Variants in GLIS3 observed in about 807,000 individuals in gnomAD.
GLIS3 encodes zinc finger protein GLIS3.
In GLIS3, 53 loss-of-function variants were observed where a neutral mutation model predicts 78.6. That is an observed-to-expected ratio of 0.67 (90% CI 0.54 to 0.85). The LOEUF is 0.85. Ranked by LOEUF, GLIS3 falls within the 40% of genes least tolerant of loss-of-function variation. The probability of loss-of-function intolerance (pLI) is 0.00; values close to 1 mark genes in which losing one functional copy is unlikely to be tolerated. For missense variants in GLIS3, 1,703 were observed against 1,231.1 expected (o/e 1.38, Z -5.74); for synonymous variants, 684 against 509.9 (o/e 1.34, Z -4.60).
At chr9:4,432,474 G>C in the GLIS3 span, among the ~76,000 whole-genome samples, 1 of 152,094 alleles carries the variant, frequency 6.6e-6, no homozygotes, top group Admixed American at 6.5e-5. Flanking sequence ...TGAGAGGTAA[G>C]TCTGGAAAGG....
chr9:4,331,852 G>A (rs566717520), intron 2 of GLIS3, among the ~76,000 whole-genome samples: 3 of 152,194 alleles, frequency 2.0e-5, no homozygotes, highest in African/African-American at 7.2e-5. Flanking sequence ...ATGAACAAAG[G>A]CCCAGAAACA....
the GLIS3 span, among the ~76,000 whole-genome samples, chr9:4,418,710 A>C: frequency 1.4e-5 from 2 of 145,714 alleles, no homozygotes; most frequent in African/African-American, 2.8e-5. Context: ...AAAAACAAAC[A>C]AAAAAAAACA....
rs147477545 is a variant in GLIS3 at position 4,026,178 on chromosome 9, T to G, written c.1711-88989A>C. On this transcript the variant is annotated intron_variant, in intron 4 of 10. Transcript: ENST00000381971. ...CACAGGTATTCAATCAAAGAGGCCC[T>G]CAACACTCCAGTGGCTATCTCAGTT... Among the ~76,000 whole-genome samples the G allele has an allele frequency of 5.0e-3, 755 of 152,340 alleles. 8 individuals are homozygous for G. The highest frequency in any genetic ancestry group is 0.018 in the African/African-American group (735 of 41,596).
At chr9:4,486,350 C>T in the GLIS3 span, among the ~76,000 whole-genome samples, 1 of 152,146 alleles carries the variant, frequency 6.6e-6, no homozygotes, top group African/African-American at 2.4e-5. Context: ...CCCTGTAAGA[C>T]CAAGAATGTA....
intron 2 of GLIS3, among the ~76,000 whole-genome samples, chr9:4,148,422 C>G (rs554895820): frequency 6.6e-6 from 1 of 152,158 alleles, no homozygotes; most frequent in South Asian, 2.1e-4. Flanking sequence ...CTACCTCCTC[C>G]TTGAAAGAAA....
the GLIS3 span, among the ~76,000 whole-genome samples, chr9:4,414,558 T>G: frequency 3.3e-5 from 5 of 152,228 alleles, no homozygotes; most frequent in Non-Finnish European, 7.3e-5. Flanking sequence ...GGATAGCTTT[T>G]ATCCTGCCTG....
chr9:3,877,079 T>C (rs1480113377), intron 8 of GLIS3, among the ~76,000 whole-genome samples: 2 of 152,176 alleles, frequency 1.3e-5, no homozygotes, highest in Non-Finnish European at 2.9e-5. Flanking sequence ...AGAGTTGTTA[T>C]GACTATAGAT....
chr9:4,431,292 G>C, the GLIS3 span, among the ~76,000 whole-genome samples: 1 of 152,208 alleles, frequency 6.6e-6, no homozygotes, highest in African/African-American at 2.4e-5. Context: ...TTGTTTGGTT[G>C]CCATCCAGAT....
chr9:4,232,382 T>TAAAAA (rs56725850), intron 2 of GLIS3, among the ~76,000 whole-genome samples: 1 of 101,660 alleles, frequency 9.8e-6, no homozygotes, highest in Non-Finnish European at 2.0e-5. Flanking sequence ...CCTTGTCTCT[T>TAAAAA]AAAAAAAAAA....
chr9:4,457,083 C>T, the GLIS3 span, among the ~76,000 whole-genome samples: 1 of 152,138 alleles, frequency 6.6e-6, no homozygotes, highest in Admixed American at 6.5e-5. Flanking sequence ...AATATTTGAA[C>T]TGGGTACGAT....
intron 2 of GLIS3, among the ~76,000 whole-genome samples, chr9:4,274,458 G>A (rs1477440851): frequency 6.6e-6 from 1 of 151,978 alleles, no homozygotes; most frequent in Non-Finnish European, 1.5e-5. Flanking sequence ...CTGGCAATTG[G>A]GCATATGGGG....
chr9:4,004,101 T>G (rs1821343716), intron 4 of GLIS3, among the ~76,000 whole-genome samples: 1 of 152,210 alleles, frequency 6.6e-6, no homozygotes, highest in South Asian at 2.1e-4. Context: ...CTTGTGAATT[T>G]CAGATTCTTA....
chr9:3,836,567 C>T (rs1184406699), intron 9 of GLIS3, among the ~76,000 whole-genome samples: 2 of 152,200 alleles, frequency 1.3e-5, no homozygotes, highest in Admixed American at 6.5e-5. Flanking sequence ...GATTCCCCTA[C>T]TCTTTTGGGG....
At chr9:3,843,090 T>C (rs899836216) in intron 9 of GLIS3, among the ~76,000 whole-genome samples, 3 of 152,208 alleles carry the variant, frequency 2.0e-5, no homozygotes, top group African/African-American at 4.8e-5. Context: ...GGGACCTAAT[T>C]TGAGTGACTC....
At chr9:4,354,357 A>G in the GLIS3 span, among the ~76,000 whole-genome samples, 28 of 152,162 alleles carry the variant, frequency 1.8e-4, 1 homozygote, top group Admixed American at 1.8e-3. Context: ...CATATGGATG[A>G]GGGTATAAGC....
rs548740414 is a variant in GLIS3 at position 4,013,037 on chromosome 9, T to C, written c.1711-75848A>G. 1.1e-4 allele frequency among the ~76,000 whole-genome samples: 17 copies of C among 152,164 alleles called. 1 individual carries two copies. The South Asian group carries it at 3.3e-3, about 30-fold the overall frequency. On this transcript the variant is annotated intron_variant, in intron 4 of 10. Coordinates refer to ENST00000381971, the MANE Select transcript of GLIS3 (RefSeq NM_001042413.2). ...ATCCTCCTGCCTCAGCCTCCCAAAG[T>C]GCTGGGATTACAGGTGTCTCTGGTT...
At chr9:3,976,434 G>C (rs966637441) in intron 4 of GLIS3, among the ~76,000 whole-genome samples, 1 of 152,088 alleles carries the variant, frequency 6.6e-6, no homozygotes, top group African/African-American at 2.4e-5. Flanking sequence ...TAACTGGAAT[G>C]ACAAGAAAGC....
intron 2 of GLIS3, among the ~76,000 whole-genome samples, chr9:4,176,285 A>C (rs4741905): frequency 6.6e-6 from 1 of 152,058 alleles, no homozygotes; most frequent in East Asian, 1.9e-4. Flanking sequence ...AGAAGAAATA[A>C]CAACGATTTG....
chr9:4,355,297 G>C, the GLIS3 span, among the ~76,000 whole-genome samples: 2 of 152,086 alleles, frequency 1.3e-5, no homozygotes, highest in Admixed American at 1.3e-4. Context: ...ACCTCCTTGA[G>C]CCTCAGGTTG....
Sources: allele counts gnomAD v4.1 joint callset (sites outside exome capture counted in the v4.1 genomes callset), GRCh38; gene constraint gnomAD v4.1.1; transcripts MANE v1.5; gene names NCBI Gene and HGNC (gene_info 2026-07-23, HGNC 2026-07-21).